Variants in AGAP5 observed in about 807,000 individuals in gnomAD.
The protein encoded by AGAP5 is arf-GAP with GTPase, ANK repeat and PH domain-containing protein 5.
A neutral mutation model predicts 27.7 loss-of-function variants in AGAP5; 8 were observed. That is an observed-to-expected ratio of 0.29 (90% CI 0.17 to 0.52). AGAP5 has a LOEUF of 0.52. Ranked by LOEUF, AGAP5 falls within the 20% of genes least tolerant of loss-of-function variation. The pLI is 0.97. For missense variants in AGAP5, 285 were observed against 880.8 expected (o/e 0.32, Z 8.56); for synonymous variants, 111 against 338.0 (o/e 0.33, Z 7.37).
chr10:73,697,538 G>C lies in AGAP5; in HGVS notation c.218C>G (p.Pro73Arg). 3 of 1,612,810 alleles carry C rather than the reference G, an allele frequency of 1.9e-6. No individual in the cohort carries two copies. The highest frequency in any genetic ancestry group is 2.5e-6 in the Non-Finnish European group (3 of 1,179,956). ...HMHHIRDQEM[P>R]EALEFSLSAN... ...GGCACCTATCACCTCCTTACCTTCA[G>C]GCATCTCCTGGTCACGAATGTGGTG... The change falls in exon 1 of 8, where the codon CCT (proline) becomes CGT (arginine). Residue 73 changes from proline to arginine, a missense_variant. By Grantham distance (103) the Pro-to-Arg change is moderately radical. Transcript: ENST00000374094.
intron 2 of AGAP5, among the ~76,000 whole-genome samples, chr10:73,696,862 T>C (rs1325395424): frequency 1.3e-5 from 2 of 152,158 alleles, no homozygotes; most frequent in Admixed American, 1.3e-4. Flanking sequence ...AACCCCCAAA[T>C]ATTTGAATAG....
intron 4 of AGAP5, among the ~76,000 whole-genome samples, chr10:73,685,927 A>C (rs1228063759): frequency 6.6e-6 from 1 of 152,156 alleles, no homozygotes; most frequent in Non-Finnish European, 1.5e-5. Flanking sequence ...AAATGGAAAG[A>C]CACCCCATGC....
Position 73,697,841 on chromosome 10 carries a change from T to C in AGAP5, c.-86A>G. The C allele has an allele frequency of 6.4e-7, 1 of 1,573,222 alleles. No homozygotes were observed. Among genetic ancestry groups the C allele is most frequent in the Non-Finnish European group, 8.6e-7 (1 of 1,166,090 alleles). On this transcript the variant is annotated 5_prime_UTR_variant, in exon 1 of 8. Coordinates refer to ENST00000374094, the MANE Select transcript of AGAP5 (RefSeq NM_001144000.4). ...CCACTGTCCTAGGCCGAGGCTATGC[T>C]GCACTTGCAGAGATGGTCTTCCCGC...
At chr10:73,681,584 G>A in intron 5 of AGAP5, 1 of 936,996 alleles carries the variant, frequency 1.1e-6, no homozygotes, top group Non-Finnish European at 1.3e-6. Context: ...CAAACTTGCT[G>A]GTGGCAAATT....
At chr10:73,677,651 C>T (rs1449123531) in intron 6 of AGAP5, among the ~76,000 whole-genome samples, 1 of 152,092 alleles carries the variant, frequency 6.6e-6, no homozygotes, top group Non-Finnish European at 1.5e-5. Flanking sequence ...CTCCAAAGTG[C>T]TGGGATTACA....
In AGAP5 at chr10:73,678,867, T is replaced by C. The variant is rs2082001379; in HGVS notation, c.533+1204A>G. On this transcript the variant is annotated intron_variant, in intron 6 of 7. Transcript: ENST00000374094. Reference sequence around the variant, plus strand: ...TCATCTTATTGCTTCTTTTTCTCTTTTTTTGAGACAGAGTCTCTCTCTGTC... The same window carrying C: ...TCATCTTATTGCTTCTTTTTCTCTTCTTTTGAGACAGAGTCTCTCTCTGTC... Among the ~76,000 whole-genome samples, 4 of 151,596 alleles carry C rather than the reference T, an allele frequency of 2.6e-5. No homozygotes were observed. In the South Asian group the frequency reaches 8.4e-4, roughly 32 times the overall value.
intron 6 of AGAP5, among the ~76,000 whole-genome samples, chr10:73,677,150 C>G (rs2081986540): frequency 6.6e-6 from 1 of 152,122 alleles, no homozygotes; most frequent in Non-Finnish European, 1.5e-5. Flanking sequence ...AGCTTCCTTT[C>G]TCTTTAGTTC....
At chr10:73,683,515 G>A (rs2082041591) in intron 4 of AGAP5, among the ~76,000 whole-genome samples, 1 of 126,760 alleles carries the variant, frequency 7.9e-6, no homozygotes. Context: ...AGGCTGGAGT[G>A]CAGTGGCGCG....
At chr10:73,687,484 A>T (rs1215864111) in intron 4 of AGAP5, among the ~76,000 whole-genome samples, 1 of 152,198 alleles carries the variant, frequency 6.6e-6, no homozygotes, top group African/African-American at 2.4e-5. Flanking sequence ...AAAATGAACA[A>T]ATCTTAATTA....
chr10:73,683,392 A>T, intron 4 of AGAP5, among the ~76,000 whole-genome samples: 1 of 113,844 alleles, frequency 8.8e-6, no homozygotes, highest in Non-Finnish European at 1.9e-5. Flanking sequence ...TTAAAATGAG[A>T]TTTCATATTT....
At chr10:73,689,689 A>C (rs1446614780) in intron 4 of AGAP5, among the ~76,000 whole-genome samples, 1 of 148,446 alleles carries the variant, frequency 6.7e-6, no homozygotes, top group Non-Finnish European at 1.5e-5. Flanking sequence ...CCCGTCTGAG[A>C]AGTGAGGAGA....
At chr10:73,690,770 AAC>A (rs1232245980) in intron 4 of AGAP5, among the ~76,000 whole-genome samples, 2 of 152,220 alleles carry the variant, frequency 1.3e-5, no homozygotes, top group Non-Finnish European at 2.9e-5. Context: ...GACAGAAGGA[AAC>A]ACAGAATCTA....
intron 3 of AGAP5, 89 bp downstream of exon 3, chr10:73,694,647 C>A (rs1473945042): frequency 2.5e-6 from 4 of 1,590,324 alleles, no homozygotes; most frequent in African/African-American, 2.7e-5. Flanking sequence ...AAATTTAAAC[C>A]AATATGAGTT....
intron 7 of AGAP5, among the ~76,000 whole-genome samples, chr10:73,676,386 A>G (rs1243061240): frequency 2.8e-4 from 39 of 141,302 alleles, no homozygotes; most frequent in Non-Finnish European, 5.5e-4. Flanking sequence ...AGGCTGAGGC[A>G]GGAGAATTGC....
At chr10:73,694,121 T>C (rs2082141205) in intron 3 of AGAP5, among the ~76,000 whole-genome samples, 2 of 152,214 alleles carry the variant, frequency 1.3e-5, no homozygotes, top group African/African-American at 4.8e-5. Flanking sequence ...TATGGCTTGT[T>C]GGCAAATAAA....
chr10:73,697,376 A>G (rs1042119724), intron 1 of AGAP5, among the ~76,000 whole-genome samples, 157 bp downstream of exon 1: 7 of 152,074 alleles, frequency 4.6e-5, no homozygotes, highest in Admixed American at 4.6e-4. Context: ...AAGGGGTGGG[A>G]ATTCAAGGCA....
chr10:73,691,415 A>G (rs2082117651), intron 4 of AGAP5, among the ~76,000 whole-genome samples: 1 of 152,164 alleles, frequency 6.6e-6, no homozygotes, highest in African/African-American at 2.4e-5. Context: ...ATAGAAAGTC[A>G]ATAGACAGTG....
chr10:73,690,000 C>A (rs1292087226), intron 4 of AGAP5, among the ~76,000 whole-genome samples: 2 of 151,682 alleles, frequency 1.3e-5, no homozygotes, highest in East Asian at 2.0e-4. Flanking sequence ...GTCAGCCCCC[C>A]GCCTGGCCAG....
intron 5 of AGAP5, chr10:73,681,786 T>C (rs2082026817): frequency 1.6e-6 from 1 of 621,112 alleles, no homozygotes; most frequent in Non-Finnish European, 2.0e-6. Flanking sequence ...TGCTCAAAGA[T>C]TTAAGAGACT....
Sources: gnomAD v4.1 joint callset for allele counts (sites outside exome capture counted in the v4.1 genomes callset) on GRCh38, gnomAD v4.1.1 for gene constraint, MANE v1.5 for transcripts, NCBI Gene and HGNC (gene_info 2026-07-23, HGNC 2026-07-21) for gene names.